Variants in VAV3 observed in about 807,000 individuals in gnomAD.
The protein encoded by VAV3 is guanine nucleotide exchange factor VAV3.
Under a neutral mutation model 131.2 loss-of-function variants are expected in VAV3, and 94 were observed. The ratio of observed to expected loss-of-function variants is 0.72; its 90% CI spans 0.61 to 0.85. The LOEUF (loss-of-function observed/expected upper bound fraction) is 0.85. Among genes scored for constraint, VAV3 ranks in the 40% least tolerant of loss-of-function variants. The pLI is 0.00. For synonymous variants in VAV3, 349 were observed against 342.0 expected (o/e 1.02, Z -0.22); for missense variants, 939 against 1,002.7 (o/e 0.94, Z 0.86).
chr1:107,688,450 T>G (rs747345932), intron 17 of VAV3, 44 bp from the exon 18 acceptor site: 7 of 1,611,942 alleles, frequency 4.3e-6, no homozygotes, highest in South Asian at 1.1e-5. Context: ...TAAAGTTATT[T>G]TGTTTGGTTA....
At chr1:107,806,804 T>C (rs1364061836) in intron 2 of VAV3, among the ~76,000 whole-genome samples, 1 of 152,112 alleles carries the variant, frequency 6.6e-6, no homozygotes. Flanking sequence ...GCATGGAGGA[T>C]TTGTTCCAGT....
Position 107,753,527 on chromosome 1 carries a change from C to CATATATATATAT in VAV3, c.1173+1899_1173+1900insATATATATATAT, listed in dbSNP as rs752202122. ...ATATATACACACATATATATATATA[C>CATATATATATAT]GTATATATATATATATATATATACA... is the stretch of plus-strand genomic sequence containing the variant. On this transcript the variant is annotated intron_variant, in intron 12 of 26. Transcript: ENST00000370056. Among the ~76,000 whole-genome samples, 19 of 94,758 alleles carry CATATATATATAT rather than the reference C, an allele frequency of 2.0e-4. No homozygotes were observed. The East Asian group carries it at 6.0e-3, about 30-fold the overall frequency. The allele number at this position is 94,758 out of a possible 152,430, so 62.2% of individuals were successfully genotyped here.
At chr1:107,766,620 C>A in intron 7 of VAV3, 70 bp from the exon 8 acceptor site, 1 of 1,186,932 alleles carries the variant, frequency 8.4e-7, no homozygotes. Context: ...AACCCAGAAT[C>A]CTTTTAGTTG....
chr1:107,901,951 G>A (rs944866928), intron 1 of VAV3, among the ~76,000 whole-genome samples: 2 of 151,840 alleles, frequency 1.3e-5, no homozygotes, highest in Admixed American at 6.6e-5. Flanking sequence ...GCTGAGGGAG[G>A]AGAATCGCTT....
At chr1:107,732,194 T>C (rs1662285694) in intron 15 of VAV3, among the ~76,000 whole-genome samples, 2 of 152,224 alleles carry the variant, frequency 1.3e-5, no homozygotes, top group South Asian at 4.1e-4. Context: ...TATCACTGCT[T>C]TGCATCAACA....
chr1:107,597,916 A>AT (rs1455884703), intron 24 of VAV3, among the ~76,000 whole-genome samples: 12 of 152,204 alleles, frequency 7.9e-5, no homozygotes, highest in African/African-American at 2.9e-4. Context: ...CAAGAACATT[A>AT]TGAAATGGGC....
rs76073012 is a variant in VAV3, at chr1:107,658,132, C to T, written c.1778-15377G>A. Among the ~76,000 whole-genome samples the T allele has an allele frequency of 4.9e-3, 750 of 152,242 alleles. 3 individuals carry two copies. The highest frequency in any genetic ancestry group is 8.2e-3 in the Non-Finnish European group (555 of 68,016). On this transcript the variant is annotated intron_variant, in intron 19 of 26. Transcript: ENST00000370056. Reference sequence around the variant, plus strand: ...AATGGCCTCAATAAAGTACGTTCAACGTGAAACACACAATAATACAATATA... The same window carrying T: ...AATGGCCTCAATAAAGTACGTTCAATGTGAAACACACAATAATACAATATA...
chr1:107,844,220 G>A (rs1394632496), intron 2 of VAV3, among the ~76,000 whole-genome samples: 3 of 151,946 alleles, frequency 2.0e-5, no homozygotes, highest in African/African-American at 7.3e-5. Context: ...CAAGAGGTCA[G>A]GGAACTCCCT....
intron 15 of VAV3, among the ~76,000 whole-genome samples, chr1:107,726,735 A>G (rs1661865882): frequency 6.6e-6 from 1 of 152,216 alleles, no homozygotes; most frequent in Admixed American, 6.5e-5. Flanking sequence ...CCCTTCATTT[A>G]TAATGAAATT....
intron 20 of VAV3, among the ~76,000 whole-genome samples, chr1:107,628,033 G>C (rs888076540): frequency 3.3e-5 from 5 of 149,692 alleles, no homozygotes; most frequent in East Asian, 3.9e-4. Context: ...GACACAGTAT[G>C]ATGGGTGTTA....
At chr1:107,752,661 A>C (rs906027159) in intron 12 of VAV3, among the ~76,000 whole-genome samples, 7 of 152,224 alleles carry the variant, frequency 4.6e-5, no homozygotes, top group Non-Finnish European at 5.9e-5. Flanking sequence ...CATTTTTCCA[A>C]AGAGAATATA....
intron 1 of VAV3, among the ~76,000 whole-genome samples, chr1:107,875,363 G>A (rs1670443026): frequency 6.6e-6 from 1 of 152,198 alleles, no homozygotes; most frequent in Admixed American, 6.5e-5. Context: ...GATCAGGAGA[G>A]TTGGTGGGGC....
In VAV3 at chr1:107,831,462, T is replaced by C. The variant is rs143102806; in HGVS notation, c.321+43439A>G. Among the ~76,000 whole-genome samples, 8 of 152,340 alleles carry C rather than the reference T, an allele frequency of 5.3e-5. No individual in the cohort carries two copies. The South Asian group carries it at 6.2e-4, about 12-fold the overall frequency. On this transcript the variant is annotated intron_variant, in intron 2 of 26. Coordinates refer to ENST00000370056, the MANE Select transcript of VAV3 (RefSeq NM_006113.5). ...AATAAGTAGAAATTTTTCTTCCATA[T>C]ATATTGCAATGTTTATTCCCAATAT...
chr1:107,897,318 A>G (rs1671635903), intron 1 of VAV3: 1 of 151,304 alleles, frequency 6.6e-6, no homozygotes, highest in Non-Finnish European at 1.5e-5. Context: ...ACTTCATACA[A>G]AAAGACCACT....
intron 1 of VAV3, among the ~76,000 whole-genome samples, chr1:107,907,772 C>T (rs1672176440): frequency 6.6e-6 from 1 of 152,132 alleles, no homozygotes; most frequent in South Asian, 2.1e-4. Context: ...AAGGTCCTCA[C>T]CAGATGCAGC....
intron 2 of VAV3, among the ~76,000 whole-genome samples, chr1:107,816,729 T>C (rs1412711265): frequency 6.6e-6 from 1 of 152,178 alleles, no homozygotes; most frequent in Non-Finnish European, 1.5e-5. Flanking sequence ...AAATATAAAA[T>C]GTACACAAAA....
intron 3 of VAV3, chr1:107,777,576 C>G (rs566712191): frequency 4.5e-6 from 2 of 439,730 alleles, no homozygotes; most frequent in South Asian, 3.0e-5. Context: ...GTCATAATAA[C>G]GTGCTTATCT....
rs950458991 is a variant in VAV3 at position 107,571,972 on chromosome 1, G to C, written c.*1359C>G. ...CCTGGTTCAGTTCTACTAAGTTAATGCTTCTTTTTTTTCCCAACATGTAAC... is the reference window on the plus strand; with the variant it reads ...CCTGGTTCAGTTCTACTAAGTTAATCCTTCTTTTTTTTCCCAACATGTAAC... On this transcript the variant is annotated 3_prime_UTR_variant, in exon 27 of 27. Transcript: ENST00000370056. 1 of 152,436 alleles carries C rather than the reference G, an allele frequency of 6.6e-6. No individual in the cohort carries two copies. Among genetic ancestry groups the C allele is most frequent in the Non-Finnish European group, 1.5e-5 (1 of 68,030 alleles). 9.4% of individuals were successfully genotyped at this position (152,436 alleles called of 1,614,324 possible).
intron 2 of VAV3, among the ~76,000 whole-genome samples, chr1:107,789,059 C>G (rs1666156735): frequency 6.6e-6 from 1 of 152,164 alleles, no homozygotes; most frequent in Non-Finnish European, 1.5e-5. Context: ...CACATGAACT[C>G]CCTTTGAATG....
Sources: gnomAD v4.1 joint callset for allele counts (sites outside exome capture counted in the v4.1 genomes callset) on GRCh38, gnomAD v4.1.1 for gene constraint, MANE v1.5 for transcripts, NCBI Gene and HGNC (gene_info 2026-07-23, HGNC 2026-07-21) for gene names.